ACYP2: variants seen among roughly 807,000 people sequenced by gnomAD.
ACYP2 encodes acylphosphatase 2.
A neutral mutation model predicts 11.2 loss-of-function variants in ACYP2; 12 were observed. The observed-to-expected ratio is 1.08, with a 90% CI of 0.69 to 1.74. The LOEUF is 1.74. Ranked by LOEUF, ACYP2 falls within the 40% of genes most tolerant of loss-of-function variation. The pLI is 0.00. For synonymous variants in ACYP2, 43 were observed against 32.2 expected, an observed-to-expected ratio of 1.33 and a Z score of -1.13; for missense variants, 134 against 101.9, an observed-to-expected ratio of 1.31 and a Z score of -1.35.
chr2:54,115,571 G>A (rs1450318496), intron 4 of ACYP2, 44 bp from the exon 1 acceptor site: 2 of 1,529,114 alleles, frequency 1.3e-6, no homozygotes, highest in South Asian at 2.4e-5. Flanking sequence ...CGGCGCGCTA[G>A]CGTCCGGGAC....
chr2:54,054,195 T>G (rs941760421), intron 3 of ACYP2, among the ~76,000 whole-genome samples: 1 of 152,206 alleles, frequency 6.6e-6, no homozygotes, highest in Non-Finnish European at 1.5e-5. Context: ...CTGCCTACAA[T>G]GGAATAAGAT....
intron 2 of ACYP2, among the ~76,000 whole-genome samples, chr2:53,995,887 C>CG (rs1429237295): frequency 4.0e-5 from 6 of 151,410 alleles, no homozygotes; most frequent in African/African-American, 1.5e-4. Flanking sequence ...AATCCCAGCA[C>CG]GTGGGGAGGC....
chr2:54,093,029 G>A (rs1400241800), intron 4 of ACYP2, among the ~76,000 whole-genome samples: 2 of 152,194 alleles, frequency 1.3e-5, no homozygotes, highest in African/African-American at 4.8e-5. Flanking sequence ...TGGTTGGGCT[G>A]AGGCTTCTAT....
rs142770601 is a variant in ACYP2 at position 54,063,838 on chromosome 2, G to A, written c.277+6478G>A. ...CCTGACACGAGCCTGGACCAGAGAG[G>A]GTGGGGCTGGTGGTGGTGAAAGGGG... On this transcript the variant is annotated intron_variant, in intron 4 of 6. Coordinates refer to ENST00000607452, the MANE Select transcript of ACYP2 (RefSeq NM_001320586.2). Among the ~76,000 whole-genome samples the A allele has an allele frequency of 9.2e-5, 14 of 152,246 alleles. No individual in the cohort carries two copies. The East Asian group carries it at 2.7e-3, about 29-fold the overall frequency.
At chr2:54,302,543 G>C (rs1415129088) in intron 6 of ACYP2, among the ~76,000 whole-genome samples, 2 of 152,100 alleles carry the variant, frequency 1.3e-5, no homozygotes, top group African/African-American at 4.8e-5. Flanking sequence ...TCATTTTCTT[G>C]ATGATCCCAG....
chr2:54,105,060 G>T (rs565700163), intron 4 of ACYP2, among the ~76,000 whole-genome samples: 8 of 152,202 alleles, frequency 5.3e-5, no homozygotes, highest in African/African-American at 1.9e-4. Context: ...GATGTTTTTT[G>T]AATACTATTT....
At chr2:54,124,674 A>G (rs1047071677) in intron 4 of ACYP2, among the ~76,000 whole-genome samples, 3 of 152,112 alleles carry the variant, frequency 2.0e-5, no homozygotes, top group Admixed American at 2.0e-4. Flanking sequence ...GTGTATTGTT[A>G]CCATTCATAG....
At chr2:54,186,893 A>G in intron 6 of ACYP2, among the ~76,000 whole-genome samples, 1 of 152,098 alleles carries the variant, frequency 6.6e-6, no homozygotes, top group Non-Finnish European at 1.5e-5. Context: ...ACAATATACT[A>G]TATAGTAAAA....
At chr2:54,092,978 G>A (rs776721994) in intron 4 of ACYP2, among the ~76,000 whole-genome samples, 9 of 152,148 alleles carry the variant, frequency 5.9e-5, no homozygotes, top group Non-Finnish European at 1.0e-4. Flanking sequence ...GGGTACAATC[G>A]TTCAGAGTAG....
intron 6 of ACYP2, among the ~76,000 whole-genome samples, chr2:54,275,275 A>G (rs1688499658): frequency 6.6e-6 from 1 of 152,206 alleles, no homozygotes; most frequent in African/African-American, 2.4e-5. Context: ...GACTAATATG[A>G]ACCTAAATCT....
chr2:54,145,482 A>G (rs1164423277), intron 6 of ACYP2, among the ~76,000 whole-genome samples: 1 of 152,090 alleles, frequency 6.6e-6, no homozygotes, highest in African/African-American at 2.4e-5. Context: ...TTCTCTTTTT[A>G]TATTTTTTTA....
In ACYP2 at chr2:54,197,344, G is replaced by A. The variant is rs577411431; in HGVS notation, c.404+58596G>A. Among the ~76,000 whole-genome samples, 11 of 152,262 alleles carry A rather than the reference G, an allele frequency of 7.2e-5. No homozygotes were observed. In the South Asian group the frequency reaches 1.4e-3, roughly 20 times the overall value. ...CTCTCCCACTCCCTACAGGGGTTGC[G>A]GGGGAGGAAGCTGGAACTTCTCCAC... On this transcript the variant is annotated intron_variant, in intron 6 of 6. Coordinates refer to ENST00000607452, the MANE Select transcript of ACYP2 (RefSeq NM_001320586.2).
In ACYP2 at chr2:54,014,169, A is replaced by G. The variant is rs548072725; in HGVS notation, c.63-36789A>G. On this transcript the variant is annotated intron_variant, in intron 2 of 6. Coordinates refer to ENST00000607452, the MANE Select transcript of ACYP2 (RefSeq NM_001320586.2). ...GCAAAAAAACTCCGTCTGAAAAAAA[A>G]AAAGAAAGAAACTCAGTAAAATTAA... Among the ~76,000 whole-genome samples the G allele has an allele frequency of 3.3e-5, 5 of 152,192 alleles. No homozygotes were observed. In the East Asian group the frequency reaches 7.7e-4, roughly 23 times the overall value.
chr2:54,201,580 CTTTT>C (rs1335167879), intron 6 of ACYP2, among the ~76,000 whole-genome samples: 8 of 118,214 alleles, frequency 6.8e-5, no homozygotes, highest in African/African-American at 2.3e-4. Context: ...TAGCCAGCTT[CTTTT>C]TCTTTCTTTC....
intron 2 of ACYP2, among the ~76,000 whole-genome samples, chr2:54,050,027 A>T (rs1675752859): frequency 6.6e-6 from 1 of 152,206 alleles, no homozygotes; most frequent in South Asian, 2.1e-4. Context: ...ACAGTTAGAA[A>T]ATAAATGCGT....
intron 4 of ACYP2, among the ~76,000 whole-genome samples, chr2:54,087,737 G>A (rs1558519257): frequency 6.6e-6 from 1 of 152,144 alleles, no homozygotes; most frequent in Admixed American, 6.5e-5. Flanking sequence ...ACATATGGAT[G>A]GGTGAATAAG....
At chr2:54,214,038 G>A (rs924855478) in intron 6 of ACYP2, among the ~76,000 whole-genome samples, 1 of 152,044 alleles carries the variant, frequency 6.6e-6, no homozygotes, top group Non-Finnish European at 1.5e-5. Flanking sequence ...GGGATTACAG[G>A]CATGAGCGCC....
intron 6 of ACYP2, among the ~76,000 whole-genome samples, chr2:54,190,930 C>G (rs1558600100): frequency 6.6e-6 from 1 of 152,166 alleles, no homozygotes; most frequent in Admixed American, 6.6e-5. Context: ...CTTATAGTTG[C>G]TCAAGTCACA....
intron 6 of ACYP2, among the ~76,000 whole-genome samples, chr2:54,166,252 TC>T (rs2103840194): frequency 6.6e-6 from 1 of 152,346 alleles, no homozygotes; most frequent in South Asian, 2.1e-4. Context: ...ATTACCTGTG[TC>T]CTCTGGGCAA....
Sources: gnomAD v4.1 joint callset for allele counts (sites outside exome capture counted in the v4.1 genomes callset) on GRCh38, gnomAD v4.1.1 for gene constraint, MANE v1.5 for transcripts, NCBI Gene and HGNC (gene_info 2026-07-23, HGNC 2026-07-21) for gene names.